The following ANP32E variants were observed in gnomAD, a reference collection of about 807,000 sequenced individuals.
The protein encoded by ANP32E is acidic leucine-rich nuclear phosphoprotein 32 family member E.
ANP32E carries 14 observed loss-of-function variants against 35.3 expected under a neutral mutation model. The observed-to-expected ratio is 0.40, with a 90% CI of 0.26 to 0.62. The LOEUF (loss-of-function observed/expected upper bound fraction) is 0.62. Among genes scored for constraint, ANP32E ranks in the 20% least tolerant of loss-of-function variants. The pLI is 0.45. For missense variants in ANP32E, 198 were observed against 304.4 expected (o/e 0.65, Z 2.60); for synonymous variants, 89 against 110.4 (o/e 0.81, Z 1.22).
chr1:150,235,148 G>T lies in ANP32E; in HGVS notation c.54+585C>A, dbSNP rs1649671237. Among the ~76,000 whole-genome samples, 1 of 152,220 alleles carries T rather than the reference G, an allele frequency of 6.6e-6. No homozygotes were observed. Among genetic ancestry groups the T allele is most frequent in the African/African-American group, 2.4e-5 (1 of 41,464 alleles). ...GCTGACCCAGATTCCGCCGGGCGAA[G>T]GGCAGAGGGCGGCGCGCGCGGCTTC... On this transcript the variant is annotated intron_variant, in intron 1 of 6. Transcript: ENST00000583931. The surrounding 1 kb of genome is among the most constrained non-coding windows in gnomAD (Gnocchi z 4.2).
At chr1:150,233,579 A>G (rs1306596835) in intron 1 of ANP32E, among the ~76,000 whole-genome samples, 1 of 152,158 alleles carries the variant, frequency 6.6e-6, no homozygotes, top group African/African-American at 2.4e-5. Flanking sequence ...ATTCCCTATT[A>G]GGTAAGAGTT....
intron 5 of ANP32E, among the ~76,000 whole-genome samples, chr1:150,226,392 A>C (rs1272065079): frequency 6.6e-6 from 1 of 152,142 alleles, no homozygotes; most frequent in Non-Finnish European, 1.5e-5. Flanking sequence ...GCTGTAACAG[A>C]TTTGAAAGTT....
At chr1:150,225,748 G>A (rs1648823677) in intron 5 of ANP32E, among the ~76,000 whole-genome samples, 1 of 151,042 alleles carries the variant, frequency 6.6e-6, no homozygotes, top group Non-Finnish European at 1.5e-5. Context: ...GGGCAAGAGG[G>A]AAACATTAAA....
At chr1:150,229,982 G>A (rs1289197519) in intron 3 of ANP32E, among the ~76,000 whole-genome samples, 2 of 152,258 alleles carry the variant, frequency 1.3e-5, no homozygotes, top group Non-Finnish European at 2.9e-5. Context: ...TGTATTTTTC[G>A]AGTTTTATAA....
chr1:150,235,752 C>T lies in ANP32E; in HGVS notation c.35G>A (p.Arg12Lys). Residue 12 changes from arginine to lysine, a missense_variant, in exon 1 of 7, where the codon AGG becomes AAG. Physicochemically the swap from Arg to Lys is conservative, Grantham distance 26. This residue lies in a region of ANP32E where 35 missense variants were observed against 47.6 expected (regional missense o/e 0.74). Transcript: ENST00000583931. This position sits in a 1 kb window ranked among gnomAD's most constrained non-coding sequence, Gnocchi z 4.2. Reference protein sequence around the residue: ...EMKKKINLELRNRSPEEVTEL... With the variant: ...EMKKKINLELKNRSPEEVTEL... Reference sequence around the variant, plus strand: ...TCTCACCTCCTCCGGGGATCTGTTCCTTAACTCCAGGTTAATCTTCTTCTT... The same window carrying T: ...TCTCACCTCCTCCGGGGATCTGTTCTTTAACTCCAGGTTAATCTTCTTCTT... The T allele has an allele frequency of 3.1e-6, 5 of 1,612,052 alleles. No individual in the cohort carries two copies. The highest frequency in any genetic ancestry group is 4.2e-6 in the Non-Finnish European group (5 of 1,179,056).
intron 6 of ANP32E, among the ~76,000 whole-genome samples, chr1:150,222,020 G>A (rs1173251752): frequency 6.6e-6 from 1 of 152,016 alleles, no homozygotes; most frequent in African/African-American, 2.4e-5. Context: ...TTAAGCCTGG[G>A]AGGTCGAGGC....
At chr1:150,222,820 A>C (rs16835284) in intron 6 of ANP32E, among the ~76,000 whole-genome samples, 6,949 of 151,934 alleles carry the variant, frequency 0.046, 535 homozygotes, top group African/African-American at 0.16. Flanking sequence ...AAATCTAAAA[A>C]GAGCATTAAT....
At chr1:150,222,038 A>T (rs1648448630) in intron 6 of ANP32E, among the ~76,000 whole-genome samples, 1 of 152,002 alleles carries the variant, frequency 6.6e-6, no homozygotes, top group Non-Finnish European at 1.5e-5. Flanking sequence ...GGCTGCAGTG[A>T]CCTATGATTG....
intron 5 of ANP32E, among the ~76,000 whole-genome samples, chr1:150,224,247 T>G (rs966101532): frequency 6.6e-6 from 1 of 152,038 alleles, no homozygotes; most frequent in Non-Finnish European, 1.5e-5. Context: ...GAAGACTGAA[T>G]GTGGCTTTTG....
chr1:150,230,018 C>T (rs1300461782), intron 3 of ANP32E, among the ~76,000 whole-genome samples: 1 of 152,176 alleles, frequency 6.6e-6, no homozygotes, highest in Non-Finnish European at 1.5e-5. Flanking sequence ...TCAAGCACAA[C>T]CAGCTCACCT....
rs369135952 is a variant in ANP32E at position 150,231,822 on chromosome 1, T to C, written c.159A>G (p.Glu53=). Residue 53 remains glutamate (E), a synonymous_variant, in exon 2 of 7, where the codon GAA becomes GAG. Coordinates refer to ENST00000583931, the MANE Select transcript of ANP32E (RefSeq NM_030920.5). ...TGGGAAGCCGGGCCAGCGAACTTAG[T>C]TCCACATTAGCCATACTCAGAAATT... The part of the protein sequence containing the change: ...ELEFLSMANV[E]LSSLARLPSL... 19 of 1,608,074 alleles carry C rather than the reference T, an allele frequency of 1.2e-5. No individual in the cohort carries two copies. The highest frequency in any genetic ancestry group is 1.7e-6 in the Non-Finnish European group (2 of 1,178,764).
intron 1 of ANP32E, 34 bp from the exon 2 acceptor site, chr1:150,231,960 T>C (rs1292395649): frequency 2.5e-6 from 4 of 1,598,510 alleles, no homozygotes; most frequent in African/African-American, 2.7e-5. Context: ...AATGATTCTT[T>C]AGTTTGTAAT....
chr1:150,235,905 GC>G lies in ANP32E; in HGVS notation c.-120del. The G allele has an allele frequency of 1.4e-6, 1 of 690,170 alleles. No homozygotes were observed. Among genetic ancestry groups the G allele is most frequent in the South Asian group, 1.7e-5 (1 of 58,852 alleles). 42.8% of individuals were successfully genotyped at this position (690,170 alleles called of 1,614,324 possible). On this transcript the variant is annotated 5_prime_UTR_variant, in exon 1 of 7. Coordinates refer to ENST00000583931, the MANE Select transcript of ANP32E (RefSeq NM_030920.5). This position sits in a 1 kb window ranked among gnomAD's most constrained non-coding sequence, Gnocchi z 4.2. ...AATGAAAAGGAACGCAAATATAAAC[GC>G]CCACTACCACCACCAGATAGGTGTG...
chr1:150,226,569 G>A, intron 5 of ANP32E, 39 bp downstream of exon 5: 1 of 1,603,750 alleles, frequency 6.2e-7, no homozygotes, highest in East Asian at 2.2e-5. Flanking sequence ...CCTATGCCTA[G>A]AAATTAATTT....
chr1:150,227,243 T>A (rs1648950759), intron 4 of ANP32E, among the ~76,000 whole-genome samples: 1 of 152,194 alleles, frequency 6.6e-6, no homozygotes. Flanking sequence ...ATCCCATTAC[T>A]GGGTATATAC....
chr1:150,225,733 C>G (rs2101771068), intron 5 of ANP32E, among the ~76,000 whole-genome samples: 1 of 141,714 alleles, frequency 7.1e-6, no homozygotes, highest in Admixed American at 7.1e-5. Flanking sequence ...CCTTGTATGT[C>G]TTGGGGGCAA....
At chr1:150,223,147 C>A in intron 6 of ANP32E, 39 bp downstream of exon 6, 3 of 1,479,500 alleles carry the variant, frequency 2.0e-6, no homozygotes, top group Non-Finnish European at 2.7e-6. Flanking sequence ...ATGACTATGT[C>A]TTTAATTTTA....
At chr1:150,221,022 G>T (rs1553837607) in intron 6 of ANP32E, among the ~76,000 whole-genome samples, 2 of 139,070 alleles carry the variant, frequency 1.4e-5, no homozygotes, top group South Asian at 2.3e-4. Context: ...AGAGGCTAAG[G>T]AAGAATTCCA....
At position 150,230,709 on chromosome 1, in the gene ANP32E, A is replaced by C; in HGVS notation, c.205-16T>G. 1 of 1,438,094 alleles carries C rather than the reference A, an allele frequency of 7.0e-7. No individual in the cohort carries two copies. The highest frequency in any genetic ancestry group is 9.1e-7 in the Non-Finnish European group (1 of 1,101,846). The allele number at this position is 1,438,094 out of a possible 1,614,324, so 89.1% of individuals were successfully genotyped here. A position where few individuals can be genotyped will look rare whatever the true frequency, so the allele number is the denominator to read the frequency against. On this transcript the variant is annotated splice_polypyrimidine_tract_variant and intron_variant, in intron 2 of 6. Transcript: ENST00000583931. ...TAAGCTCCAACTATACATTCAACAAAGGAAAAAACAAAGAATGGTAAAGGT... is the reference window on the plus strand; with the variant it reads ...TAAGCTCCAACTATACATTCAACAACGGAAAAAACAAAGAATGGTAAAGGT...
Sources: gnomAD v4.1 joint callset for allele counts (sites outside exome capture counted in the v4.1 genomes callset) on GRCh38, gnomAD v4.1.1 for gene constraint, gnomAD v4.1.1 regional missense constraint, Gnocchi (gnomAD v3.1) non-coding constraint, MANE v1.5 for transcripts, NCBI Gene and HGNC (gene_info 2026-07-23, HGNC 2026-07-21) for gene names.